Variants in CPNE4 observed in about 807,000 individuals in gnomAD.
The protein encoded by CPNE4 is copine 4.
Under a neutral mutation model 67.9 loss-of-function variants are expected in CPNE4, and 25 were observed. That is an observed-to-expected ratio of 0.37 (90% CI 0.27 to 0.51). CPNE4 has a LOEUF of 0.51. Among genes scored for constraint, CPNE4 ranks in the 20% least tolerant of loss-of-function variants. CPNE4 has a pLI of 0.93. For synonymous variants in CPNE4, 242 were observed against 244.9 expected (o/e 0.99, Z 0.11); for missense variants, 464 against 690.8 (o/e 0.67, Z 3.68).
chr3:131,538,384 C>G (rs1935289440), intron 15 of CPNE4, among the ~76,000 whole-genome samples: 1 of 152,168 alleles, frequency 6.6e-6, no homozygotes, highest in South Asian at 2.1e-4. Context: ...ATCCCCCATC[C>G]CCTTGCATAT....
At chr3:131,639,458 C>T (rs575128722) in intron 7 of CPNE4, among the ~76,000 whole-genome samples, 4 of 151,842 alleles carry the variant, frequency 2.6e-5, no homozygotes, top group East Asian at 1.9e-4. Flanking sequence ...AGATTAAACC[C>T]GGATGACATA....
chr3:131,974,980 G>A (rs1238770307), intron 1 of CPNE4, among the ~76,000 whole-genome samples: 1 of 152,050 alleles, frequency 6.6e-6, no homozygotes, highest in East Asian at 1.9e-4. Context: ...TGCACTCCAG[G>A]CTGGGTGACA....
intron 1 of CPNE4, among the ~76,000 whole-genome samples, chr3:131,943,441 A>AT (rs1432379421): frequency 6.6e-6 from 1 of 152,166 alleles, no homozygotes; most frequent in Non-Finnish European, 1.5e-5. Flanking sequence ...ACAGGACCTG[A>AT]TACAGATCTG....
chr3:131,567,381 A>T (rs1937112828), intron 10 of CPNE4, among the ~76,000 whole-genome samples: 1 of 152,002 alleles, frequency 6.6e-6, no homozygotes, highest in Non-Finnish European at 1.5e-5. Context: ...AAGCATACAT[A>T]GATTGTGGCA....
intron 1 of CPNE4, among the ~76,000 whole-genome samples, chr3:131,945,604 C>T (rs1319599138): frequency 6.6e-6 from 1 of 152,158 alleles, no homozygotes; most frequent in Non-Finnish European, 1.5e-5. Flanking sequence ...ACCCAACCTT[C>T]TTCCTTCCTC....
At chr3:131,801,478 A>ATATATATATATATATATAT (rs375249673) in intron 2 of CPNE4, among the ~76,000 whole-genome samples, 1 of 128,142 alleles carries the variant, frequency 7.8e-6, no homozygotes, top group African/African-American at 2.9e-5. Context: ...ATATATATAT[A>ATATATATATATATATATAT]ATATCACTGC....
At chr3:131,729,827 G>A (rs1327637922) in intron 2 of CPNE4, among the ~76,000 whole-genome samples, 1 of 152,168 alleles carries the variant, frequency 6.6e-6, no homozygotes, top group Non-Finnish European at 1.5e-5. Context: ...CTAAAAAAAT[G>A]CCTGAGTATT....
At chr3:131,810,700 T>C (rs1008618378) in intron 2 of CPNE4, among the ~76,000 whole-genome samples, 4 of 152,076 alleles carry the variant, frequency 2.6e-5, no homozygotes, top group African/African-American at 7.2e-5. Flanking sequence ...TCCAAAAGAA[T>C]TGAAATTCGG....
At position 131,547,327 on chromosome 3, in the gene CPNE4, T is replaced by C. The variant is rs1030558434; in HGVS notation, c.1302+2620A>G. ...AAAATTAGCTGGGCGTGGTGGCACA[T>C]GCCTTTGGTCCCAGCTATTTGGGAG... On this transcript the variant is annotated intron_variant, in intron 14 of 15. Transcript: ENST00000429747. Among the ~76,000 whole-genome samples the C allele has an allele frequency of 4.6e-5, 7 of 151,910 alleles. No homozygotes were observed. The East Asian group carries it at 1.4e-3, about 29-fold the overall frequency.
chr3:131,828,410 C>A (rs1300004166), intron 2 of CPNE4, among the ~76,000 whole-genome samples: 1 of 152,184 alleles, frequency 6.6e-6, no homozygotes, highest in Non-Finnish European at 1.5e-5. Flanking sequence ...TAATATTTGA[C>A]TCCCATCAGT....
chr3:131,828,517 T>C (rs2107988429), intron 2 of CPNE4, among the ~76,000 whole-genome samples: 1 of 152,334 alleles, frequency 6.6e-6, no homozygotes, highest in Middle Eastern at 3.4e-3. Context: ...TATACCACCA[T>C]TTGTCCATCC....
rs527567125 is a variant in CPNE4 at position 131,644,260 on chromosome 3, G to A, written c.681+25415C>T. On this transcript the variant is annotated intron_variant, in intron 7 of 15. Coordinates refer to ENST00000429747, the MANE Select transcript of CPNE4 (RefSeq NM_130808.3). Reference sequence around the variant, plus strand: ...TCTCCCGGGTTCAAGCCATTCTCCTGCCTCAACCTCCCGAGTAGCTGGGAC... The same window carrying A: ...TCTCCCGGGTTCAAGCCATTCTCCTACCTCAACCTCCCGAGTAGCTGGGAC... 7.2e-5 allele frequency among the ~76,000 whole-genome samples: 11 copies of A among 152,066 alleles called. No homozygotes were observed. The East Asian group carries it at 1.9e-3, about 27-fold the overall frequency.
intron 1 of CPNE4, among the ~76,000 whole-genome samples, chr3:131,921,407 C>A (rs16838093): frequency 1.3e-5 from 2 of 152,056 alleles, no homozygotes; most frequent in African/African-American, 4.8e-5. Flanking sequence ...GATTACCTAG[C>A]GCCTACCATA....
intron 7 of CPNE4, among the ~76,000 whole-genome samples, chr3:131,624,508 C>A (rs1311643443): frequency 6.6e-6 from 1 of 151,870 alleles, no homozygotes; most frequent in Non-Finnish European, 1.5e-5. Context: ...TCAATTTAAC[C>A]ATTTTTTTTT....
intron 1 of CPNE4, among the ~76,000 whole-genome samples, chr3:131,952,306 G>C (rs2071763549): frequency 6.6e-6 from 1 of 151,448 alleles, no homozygotes; most frequent in Non-Finnish European, 1.5e-5. Flanking sequence ...CATCTGAGAA[G>C]TGAGGAGACC....
At chr3:131,625,420 T>C (rs752966637) in intron 7 of CPNE4, among the ~76,000 whole-genome samples, 2 of 152,106 alleles carry the variant, frequency 1.3e-5, no homozygotes, top group Admixed American at 6.6e-5. Context: ...CATCCAAAAT[T>C]AGGAATTTAA....
intron 2 of CPNE4, among the ~76,000 whole-genome samples, chr3:131,744,146 C>G (rs192764572): frequency 6.6e-6 from 1 of 151,712 alleles, no homozygotes; most frequent in Admixed American, 6.6e-5. Flanking sequence ...TTTTTACTAA[C>G]TATATGATTG....
intron 15 of CPNE4, among the ~76,000 whole-genome samples, chr3:131,537,320 G>C (rs376181903): frequency 8.1e-6 from 1 of 123,450 alleles, no homozygotes; most frequent in Non-Finnish European, 1.6e-5. Context: ...GTCTCACTCT[G>C]TCACCCAGGC....
At chr3:131,701,538 C>G (rs563368961) in intron 3 of CPNE4, among the ~76,000 whole-genome samples, 2 of 152,218 alleles carry the variant, frequency 1.3e-5, no homozygotes, top group Non-Finnish European at 2.9e-5. Flanking sequence ...ATCTCTCATT[C>G]TTTCTCTCTC....
Sources: gnomAD v4.1 joint callset for allele counts (sites outside exome capture counted in the v4.1 genomes callset) on GRCh38, gnomAD v4.1.1 for gene constraint, MANE v1.5 for transcripts, NCBI Gene and HGNC (gene_info 2026-07-23, HGNC 2026-07-21) for gene names.